The following KCNH1 variants were observed in gnomAD, a reference collection of about 807,000 sequenced individuals.
KCNH1 encodes the protein potassium voltage-gated channel subfamily H member 1.
Under a neutral mutation model 69.2 loss-of-function variants are expected in KCNH1, and 27 were observed. The observed-to-expected ratio is 0.39, with a 90% CI of 0.29 to 0.54. The LOEUF is 0.54. KCNH1 is among the 20% of genes least tolerant of loss of function. The probability of loss-of-function intolerance (pLI) is 0.68; values close to 1 mark genes in which losing one functional copy is unlikely to be tolerated. For missense variants in KCNH1, 798 were observed against 1,261.6 expected, an observed-to-expected ratio of 0.63 and a Z score of 5.57; for synonymous variants, 456 against 487.7, an observed-to-expected ratio of 0.93 and a Z score of 0.86.
At chr1:211,125,734 AC>A (rs1691766770) in intron 1 of KCNH1, among the ~76,000 whole-genome samples, 1 of 152,206 alleles carries the variant, frequency 6.6e-6, no homozygotes, top group Admixed American at 6.5e-5. Flanking sequence ...TTATAGAAGC[AC>A]CTGATGTGAT....
intron 10 of KCNH1, among the ~76,000 whole-genome samples, chr1:210,766,625 G>A (rs1683640057): frequency 1.3e-5 from 2 of 152,182 alleles, no homozygotes; most frequent in African/African-American, 4.8e-5. Flanking sequence ...TTAAAGAGAA[G>A]ATATATGGAG....
intron 7 of KCNH1, among the ~76,000 whole-genome samples, chr1:210,883,298 C>G (rs1686535578): frequency 1.3e-5 from 2 of 152,200 alleles, no homozygotes. Context: ...GCTCTTCTTT[C>G]CTGGCTAACA....
intron 9 of KCNH1, among the ~76,000 whole-genome samples, chr1:210,797,056 C>G (rs1400508454): frequency 6.6e-6 from 1 of 152,120 alleles, no homozygotes; most frequent in African/African-American, 2.4e-5. Flanking sequence ...TGTAGTTCCC[C>G]AAATGAGTCA....
chr1:210,986,800 C>T (rs910081721), intron 6 of KCNH1, among the ~76,000 whole-genome samples: 2 of 152,276 alleles, frequency 1.3e-5, no homozygotes, highest in Admixed American at 1.3e-4. Context: ...TTGCGGTGTT[C>T]TCTGTATTTC....
At chr1:211,131,397 T>C (rs996675154) in intron 1 of KCNH1, among the ~76,000 whole-genome samples, 3 of 152,208 alleles carry the variant, frequency 2.0e-5, no homozygotes, top group African/African-American at 7.2e-5. Flanking sequence ...AATACCAGCC[T>C]CAGGCATTGT....
chr1:210,924,373 T>C lies in KCNH1; in HGVS notation c.1033-4304A>G, dbSNP rs189777750. Among the ~76,000 whole-genome samples, 28 of 152,370 alleles carry C rather than the reference T, an allele frequency of 1.8e-4. 1 individual carries two copies. The highest frequency in any genetic ancestry group is 3.3e-4 in the Admixed American group (5 of 15,300). Reference sequence around the variant, plus strand: ...GAATTATTATAAAATTCTTTCTTGTTATAAAGAGCCTCTGAAACAATAAAA... The same window carrying C: ...GAATTATTATAAAATTCTTTCTTGTCATAAAGAGCCTCTGAAACAATAAAA... On this transcript the variant is annotated intron_variant, in intron 6 of 10. Transcript: ENST00000271751.
intron 6 of KCNH1, among the ~76,000 whole-genome samples, chr1:210,993,636 G>T (rs961959325): frequency 2.6e-5 from 4 of 152,132 alleles, no homozygotes; most frequent in African/African-American, 9.7e-5. Context: ...ACTCAAAACC[G>T]TTTATTATAG....
chr1:210,895,940 C>T lies in KCNH1; in HGVS notation c.1462+23700G>A, dbSNP rs960202431. 2.6e-5 allele frequency among the ~76,000 whole-genome samples: 4 copies of T among 152,184 alleles called. No homozygotes were observed. The East Asian group carries it at 5.8e-4, about 22-fold the overall frequency. On this transcript the variant is annotated intron_variant, in intron 7 of 10. Coordinates refer to ENST00000271751, the MANE Select transcript of KCNH1 (RefSeq NM_172362.3). ...ACAGATCATCAGATAAGCAATCCTA[C>T]GGTAATATTGCAGACAACCACGAGA...
intron 6 of KCNH1, among the ~76,000 whole-genome samples, chr1:211,016,254 A>G (rs1265870138): frequency 6.6e-6 from 1 of 152,140 alleles, no homozygotes; most frequent in Non-Finnish European, 1.5e-5. Flanking sequence ...CCCAACATAT[A>G]CAGTTGGTTT....
intron 6 of KCNH1, among the ~76,000 whole-genome samples, chr1:210,933,601 G>GT (rs1687723173): frequency 6.6e-6 from 1 of 151,920 alleles, no homozygotes; most frequent in South Asian, 2.1e-4. Context: ...TGAAAAGTTG[G>GT]TTTTTTCAAA....
At chr1:210,709,825 C>G (rs1041059391) in intron 10 of KCNH1, among the ~76,000 whole-genome samples, 2 of 152,194 alleles carry the variant, frequency 1.3e-5, no homozygotes, top group Admixed American at 6.5e-5. Context: ...CCCAGGAGCT[C>G]TCCCATACAG....
intron 6 of KCNH1, among the ~76,000 whole-genome samples, chr1:210,948,856 A>T (rs1688010631): frequency 6.6e-6 from 1 of 151,920 alleles, no homozygotes; most frequent in Non-Finnish European, 1.5e-5. Context: ...AAAAAGAAAA[A>T]AATATCCAGA....
At chr1:210,850,811 T>A (rs1276829418) in intron 7 of KCNH1, among the ~76,000 whole-genome samples, 3 of 152,214 alleles carry the variant, frequency 2.0e-5, no homozygotes, top group Admixed American at 2.0e-4. Flanking sequence ...GAAAATAGGC[T>A]TTGTTTATCA....
chr1:211,060,976 T>C (rs532624409), intron 5 of KCNH1, among the ~76,000 whole-genome samples: 1 of 152,306 alleles, frequency 6.6e-6, no homozygotes, highest in Middle Eastern at 3.4e-3. Context: ...AGTATTACCC[T>C]GATACCAAAA....
At chr1:211,107,132 A>T in intron 2 of KCNH1, 122 bp downstream of exon 2, 2 of 1,075,780 alleles carry the variant, frequency 1.9e-6, no homozygotes, top group Non-Finnish European at 2.8e-6. Flanking sequence ...ATATGGCAAT[A>T]AATTTTCCTG....
chr1:210,690,639 C>T (rs944488288), intron 10 of KCNH1, among the ~76,000 whole-genome samples: 2 of 152,218 alleles, frequency 1.3e-5, no homozygotes, highest in African/African-American at 4.8e-5. Flanking sequence ...AAGGCCAGTT[C>T]TCAACCCCCT....
chr1:211,091,971 T>C (rs1691060687), intron 3 of KCNH1, among the ~76,000 whole-genome samples: 1 of 152,250 alleles, frequency 6.6e-6, no homozygotes. Context: ...AGTTCTTATA[T>C]TCCAGTTCCT....
At chr1:210,859,890 A>T in intron 7 of KCNH1, 1 of 1,262,902 alleles carries the variant, frequency 7.9e-7, no homozygotes. Flanking sequence ...TAAGGTATTT[A>T]GTAATAGGTA....
intron 10 of KCNH1, among the ~76,000 whole-genome samples, chr1:210,758,699 T>C (rs951584866): frequency 4.6e-5 from 7 of 152,026 alleles, no homozygotes; most frequent in African/African-American, 1.7e-4. Context: ...GGATAATATA[T>C]CACCTTCCAC....
Sources: allele counts gnomAD v4.1 joint callset (sites outside exome capture counted in the v4.1 genomes callset), GRCh38; gene constraint gnomAD v4.1.1; transcripts MANE v1.5; gene names NCBI Gene and HGNC (gene_info 2026-07-23, HGNC 2026-07-21).